ABCC8: variants seen among roughly 807,000 people sequenced by gnomAD.
ABCC8 encodes ATP binding cassette subfamily C member 8.
ABCC8 carries 137 observed loss-of-function variants against 188.0 expected under a neutral mutation model. The ratio of observed to expected loss-of-function variants is 0.73; its 90% confidence interval spans 0.63 to 0.84. The LOEUF is 0.84. ABCC8 is among the 40% of genes least tolerant of loss of function. The pLI, the probability that ABCC8 is intolerant of heterozygous loss-of-function variation, is 0.00. For missense variants in ABCC8, 1,750 were observed against 2,072.7 expected (o/e 0.84, Z 3.02); for synonymous variants, 797 against 846.5 (o/e 0.94, Z 1.01).
rs754523749 is a variant in ABCC8, at chr11:17,406,926, T to TG, written c.3123_3124insC (p.Thr1042HisfsTer72). On this transcript the variant is annotated frameshift_variant, in exon 25 of 39. Coordinates refer to ENST00000389817, the MANE Select transcript of ABCC8 (RefSeq NM_000352.6). LOFTEE classifies it high-confidence loss of function. ...CAGTTCCTGGCTGCAGGGGTCAGGG[T>TG]CAGGGCGCTGTCGGTCCACTTGGCC... The TG allele has an allele frequency of 3.7e-6, 6 of 1,613,870 alleles. No individual in the cohort carries two copies. The East Asian group carries it at 8.9e-5, about 24-fold the overall frequency.
At chr11:17,445,217 G>A (rs1956476784) in intron 8 of ABCC8, among the ~76,000 whole-genome samples, 2 of 152,336 alleles carry the variant, frequency 1.3e-5, no homozygotes, top group Admixed American at 6.5e-5. Context: ...CACCCATGAA[G>A]CCCCTGAAAT....
At position 17,427,203 on chromosome 11, in the gene ABCC8, A is replaced by C; in HGVS notation, c.2117-49T>G. 6.4e-7 allele frequency: 1 copy of C among 1,558,426 alleles called. No homozygotes were observed. Among genetic ancestry groups the C allele is most frequent in the South Asian group, 1.2e-5 (1 of 84,946 alleles). ...TGTGAGTGGGGCCGGGGGAGTCTGA[A>C]CAACCATTACCCAGAAAGACAGACA... On this transcript the variant is annotated intron_variant, in intron 15 of 38. Transcript: ENST00000389817. This position sits in a 1 kb window ranked among gnomAD's most constrained non-coding sequence, Gnocchi z 5.0.
chr11:17,462,471 C>G (rs1334351297), intron 4 of ABCC8, among the ~76,000 whole-genome samples: 3 of 152,236 alleles, frequency 2.0e-5, no homozygotes, highest in Non-Finnish European at 4.4e-5. Context: ...AGATTACAGT[C>G]TTTCTGGAAG....
At chr11:17,433,328 G>A (rs968515004) in intron 10 of ABCC8, among the ~76,000 whole-genome samples, 2 of 152,240 alleles carry the variant, frequency 1.3e-5, no homozygotes, top group African/African-American at 2.4e-5. Context: ...GAGGGACCAG[G>A]AGTCAGGAGC....
chr11:17,422,385 G>C (rs1189270022), intron 16 of ABCC8, among the ~76,000 whole-genome samples: 1 of 152,106 alleles, frequency 6.6e-6, no homozygotes, highest in Non-Finnish European at 1.5e-5. Flanking sequence ...TGATCCTTCT[G>C]CAGCATTTGG....
At chr11:17,437,251 A>G (rs1956142144) in intron 10 of ABCC8, among the ~76,000 whole-genome samples, 2 of 152,314 alleles carry the variant, frequency 1.3e-5, no homozygotes, top group African/African-American at 4.8e-5. Flanking sequence ...AACGAAACAA[A>G]CAAAACAACA....
At chr11:17,463,327 C>T in intron 4 of ABCC8, 111 bp downstream of exon 4, 1 of 954,098 alleles carries the variant, frequency 1.0e-6, no homozygotes, top group Non-Finnish European at 1.6e-6. Context: ...GTAAAACAAG[C>T]TGATCCCTTC....
chr11:17,403,381 A>G (rs1210082749), intron 28 of ABCC8, among the ~76,000 whole-genome samples: 1 of 152,184 alleles, frequency 6.6e-6, no homozygotes, highest in Non-Finnish European at 1.5e-5. Flanking sequence ...CCAGGGTCAG[A>G]CTGGGTGCCA....
chr11:17,466,746 A>C (rs541073453), intron 3 of ABCC8, among the ~76,000 whole-genome samples: 1 of 152,064 alleles, frequency 6.6e-6, no homozygotes, highest in East Asian at 1.9e-4. Flanking sequence ...GGCTCAACTG[A>C]TCCTCTCTCC....
chr11:17,401,566 G>A (rs1954245687), intron 29 of ABCC8, among the ~76,000 whole-genome samples: 1 of 152,148 alleles, frequency 6.6e-6, no homozygotes, highest in African/African-American at 2.4e-5. Context: ...TGTGCCCTAT[G>A]GTTACTCCTG....
chr11:17,396,421 G>C (rs1387939352), intron 33 of ABCC8: 2 of 305,976 alleles, frequency 6.5e-6, no homozygotes, highest in Admixed American at 9.2e-5. Flanking sequence ...CAGGGACAGA[G>C]GTACATCCCA....
intron 6 of ABCC8, 190 bp from the exon 7 acceptor site, chr11:17,453,473 G>A (rs1956886741): frequency 3.4e-6 from 1 of 297,396 alleles, no homozygotes; most frequent in Non-Finnish European, 5.0e-6. Flanking sequence ...TCTAACTACA[G>A]GGAAGGTTGC....
At chr11:17,433,856 T>C (rs1023304148) in intron 10 of ABCC8, among the ~76,000 whole-genome samples, 6 of 152,196 alleles carry the variant, frequency 3.9e-5, no homozygotes, top group Admixed American at 1.3e-4. Context: ...ACATCATACA[T>C]GCCTGTGCTT....
intron 29 of ABCC8, among the ~76,000 whole-genome samples, chr11:17,400,993 C>A (rs1235375814): frequency 6.6e-6 from 1 of 152,178 alleles, no homozygotes; most frequent in Non-Finnish European, 1.5e-5. Flanking sequence ...AAATCATTCA[C>A]CGTGTCAGTA....
chr11:17,438,374 G>A (rs1291056295), intron 10 of ABCC8, among the ~76,000 whole-genome samples: 1 of 115,372 alleles, frequency 8.7e-6, no homozygotes, highest in South Asian at 2.4e-4. Context: ...CTGTGGCTCT[G>A]ACCACATGGT....
At chr11:17,470,289 CT>C in intron 2 of ABCC8, 67 bp from the exon 3 acceptor site, 1 of 1,609,270 alleles carries the variant, frequency 6.2e-7, no homozygotes, top group Non-Finnish European at 8.5e-7. Flanking sequence ...CAGCCCAGGC[CT>C]TGAATTTCAA....
At chr11:17,394,528 A>G in intron 36 of ABCC8, 129 bp from the exon 37 acceptor site, 2 of 1,505,672 alleles carry the variant, frequency 1.3e-6, no homozygotes, top group Non-Finnish European at 1.8e-6. Flanking sequence ...TGTGTCCAAG[A>G]GCACAGGCGT....
chr11:17,413,244 C>G (rs1160981570), intron 20 of ABCC8, 150 bp downstream of exon 20: 5 of 1,273,360 alleles, frequency 3.9e-6, no homozygotes, highest in Non-Finnish European at 5.6e-6. Context: ...AGGACATCAT[C>G]AAGAACAACA....
Position 17,427,191 on chromosome 11 carries a change from G to A in ABCC8, c.2117-37C>T, listed in dbSNP as rs201110350. 56 of 1,580,110 alleles carry A rather than the reference G, an allele frequency of 3.5e-5. No homozygotes were observed. Among genetic ancestry groups the A allele is most frequent in the Non-Finnish European group, 4.4e-5 (51 of 1,162,344 alleles). Reference sequence around the variant, plus strand: ...GAGGGTGGCAGATGTGAGTGGGGCCGGGGGAGTCTGAACAACCATTACCCA... The same window carrying A: ...GAGGGTGGCAGATGTGAGTGGGGCCAGGGGAGTCTGAACAACCATTACCCA... On this transcript the variant is annotated intron_variant, in intron 15 of 38. Coordinates refer to ENST00000389817, the MANE Select transcript of ABCC8 (RefSeq NM_000352.6). This position sits in a 1 kb window ranked among gnomAD's most constrained non-coding sequence, Gnocchi z 5.0.
Sources: allele counts gnomAD v4.1 joint callset (sites outside exome capture counted in the v4.1 genomes callset), GRCh38; gene constraint gnomAD v4.1.1; non-coding constraint Gnocchi (gnomAD v3.1); transcripts MANE v1.5; gene names NCBI Gene and HGNC (gene_info 2026-07-23, HGNC 2026-07-21).